Variants in ARAP1 observed in about 807,000 individuals in gnomAD.
The protein encoded by ARAP1 is arf-GAP with Rho-GAP domain, ANK repeat and PH domain-containing protein 1.
A neutral mutation model predicts 172.2 loss-of-function variants in ARAP1; 76 were observed. That is an observed-to-expected ratio of 0.44 (90% CI 0.37 to 0.53). The LOEUF (loss-of-function observed/expected upper bound fraction) is 0.53. Among genes scored for constraint, ARAP1 ranks in the 20% least tolerant of loss-of-function variants. The probability of loss-of-function intolerance (pLI) is 0.00; values close to 1 mark genes in which losing one functional copy is unlikely to be tolerated. For missense variants in ARAP1, 1,686 were observed against 1,977.5 expected (o/e 0.85, Z 2.80); for synonymous variants, 804 against 803.3 (o/e 1.00, Z -0.01).
At chr11:72,688,426 G>GCAGGC (rs1855784683) in intron 31 of ARAP1, 29 bp downstream of exon 31, 1 of 1,597,298 alleles carries the variant, frequency 6.3e-7, no homozygotes, top group Non-Finnish European at 8.6e-7. Context: ...AGCCCCAGTA[G>GCAGGC]CAGGCCTATC....
Position 72,702,896 on chromosome 11 carries a change from C to T in ARAP1, c.2167+9G>A. 1 of 1,552,164 alleles carries T rather than the reference C, an allele frequency of 6.4e-7. No homozygotes were observed. The highest frequency in any genetic ancestry group is 2.0e-5 in the Admixed American group (1 of 51,102). On this transcript the variant is annotated intron_variant, in intron 15 of 34. Coordinates refer to ENST00000393609, the MANE Select transcript of ARAP1 (RefSeq NM_001040118.3). ...AGCCTGGTGGACCCCCACCCTCTGC[C>T]ACGCTCACCTGTGGTCCGGTTGTTC...
chr11:72,734,187 C>A (rs1259728052), intron 1 of ARAP1, among the ~76,000 whole-genome samples: 1 of 152,102 alleles, frequency 6.6e-6, no homozygotes, highest in East Asian at 1.9e-4. Context: ...GTAGTGCAAT[C>A]ATAGCTTACT....
Position 72,743,068 on chromosome 11 carries a change from C to A in ARAP1, c.-128+9260G>T, listed in dbSNP as rs150717497. ...TCTATCCTAAAAAGCACCCCATTAG[C>A]CTCTATCTCCTTACTCTGTTTCCTT... is the stretch of plus-strand genomic sequence containing the variant. On this transcript the variant is annotated intron_variant, in intron 1 of 34. Transcript: ENST00000393609. 6.2e-4 allele frequency among the ~76,000 whole-genome samples: 95 copies of A among 152,324 alleles called. No homozygotes were observed. The Middle Eastern group carries it at 0.01, about 16-fold the overall frequency.
intron 12 of ARAP1, among the ~76,000 whole-genome samples, chr11:72,706,723 C>T (rs984564088): frequency 4.6e-5 from 7 of 152,156 alleles, no homozygotes; most frequent in African/African-American, 1.4e-4. Flanking sequence ...AGCTTTCACC[C>T]ACCAGCCAGA....
chr11:72,730,165 G>A (rs543182587), intron 2 of ARAP1, among the ~76,000 whole-genome samples: 5 of 151,648 alleles, frequency 3.3e-5, no homozygotes, highest in African/African-American at 7.3e-5. Context: ...AATAAGAAAC[G>A]GATCAATAAT....
Position 72,710,068 on chromosome 11 carries a change from A to G in ARAP1, c.1417-92T>C, listed in dbSNP as rs551003712. ...AGAGGAAGGGAAGGTGGTGCAACTC[A>G]GGGACTGGGGGGGGTGCCCAGGAGG... is the stretch of plus-strand genomic sequence containing the variant. On this transcript the variant is annotated intron_variant, in intron 10 of 34. Transcript: ENST00000393609. The surrounding 1 kb of genome is among the most constrained non-coding windows in gnomAD (Gnocchi z 4.3). The G allele has an allele frequency of 1.2e-5, 14 of 1,187,340 alleles. No homozygotes were observed. In the Admixed American group the frequency reaches 1.6e-4, roughly 14 times the overall value. 73.6% of individuals were successfully genotyped at this position (1,187,340 alleles called of 1,614,324 possible). A position where few individuals can be genotyped will look rare whatever the true frequency, so the allele number is the denominator to read the frequency against.
At chr11:72,686,236 CAG>C in intron 33 of ARAP1, 45 bp from the exon 34 acceptor site, 2 of 1,584,256 alleles carry the variant, frequency 1.3e-6, no homozygotes, top group Non-Finnish European at 8.6e-7. Context: ...TCAGTTCACC[CAG>C]ACACTCAGCC....
At chr11:72,744,585 A>C (rs1858297519) in intron 1 of ARAP1, among the ~76,000 whole-genome samples, 2 of 152,228 alleles carry the variant, frequency 1.3e-5, no homozygotes, top group Admixed American at 1.3e-4. Context: ...AAGGGGCAAG[A>C]ACCTAGCCAG....
rs1379390020 is a variant in ARAP1, at chr11:72,705,906, C to A, written c.1724-16G>T. 6.2e-7 allele frequency: 1 copy of A among 1,612,842 alleles called. No individual in the cohort carries two copies. Among genetic ancestry groups the A allele is most frequent in the African/African-American group, 1.3e-5 (1 of 74,900 alleles). ...CGGTGCTCCCCTGTAGACACAGGGC[C>A]AGACCCAGAATCACCTGGGCCCCCC... On this transcript the variant is annotated splice_polypyrimidine_tract_variant and intron_variant, in intron 12 of 34. Transcript: ENST00000393609.
At chr11:72,730,370 T>C (rs1857827096) in intron 2 of ARAP1, among the ~76,000 whole-genome samples, 1 of 152,194 alleles carries the variant, frequency 6.6e-6, no homozygotes, top group Non-Finnish European at 1.5e-5. Flanking sequence ...GCATTGGTGA[T>C]GTGGTAGGGC....
chr11:72,688,732 C>A (rs1393620496), intron 30 of ARAP1, 195 bp from the exon 31 acceptor site: 3 of 565,830 alleles, frequency 5.3e-6, no homozygotes, highest in South Asian at 2.1e-5. Context: ...CAGCCCTAGG[C>A]CCCCAAGGCC....
rs563103846 is a variant in ARAP1 at position 72,711,717 on chromosome 11, A to T, written c.1023-218T>A. Among the ~76,000 whole-genome samples, 3 of 87,898 alleles carry T rather than the reference A, an allele frequency of 3.4e-5. No homozygotes were observed. In the East Asian group the frequency reaches 8.3e-4, roughly 24 times the overall value. 57.7% of individuals were successfully genotyped at this position (87,898 alleles called of 152,430 possible). A position where few individuals can be genotyped will look rare whatever the true frequency, so the allele number is the denominator to read the frequency against. On this transcript the variant is annotated intron_variant, in intron 7 of 34. Transcript: ENST00000393609. ...CTCTTTTTTTTTTTTTTTTTTTGAG[A>T]CAGGGTCTCACTCTGCCACACAGGC...
chr11:72,705,872 C>G lies in ARAP1; in HGVS notation c.1742G>C (p.Gly581Ala). The change falls in exon 13 of 35, where the codon GGC (glycine) becomes GCC (alanine). Residue 581 changes from glycine to alanine, a missense_variant. Transcript: ENST00000393609. Reference sequence around the variant, plus strand: ...GCTCCGCACCTTGGAGACGCCAGCGCCCAGGCCACGGTGCTCCCCTGTAGA... The same window carrying G: ...GCTCCGCACCTTGGAGACGCCAGCGGCCAGGCCACGGTGCTCCCCTGTAGA... ...KRCAGEHRGL[G>A]AGVSKVRSLK... 1 of 1,614,120 alleles carries G rather than the reference C, an allele frequency of 6.2e-7. No individual in the cohort carries two copies.
At chr11:72,727,663 C>T (rs1022679228) in intron 2 of ARAP1, among the ~76,000 whole-genome samples, 1 of 152,234 alleles carries the variant, frequency 6.6e-6, no homozygotes, top group Non-Finnish European at 1.5e-5. Context: ...CAAGCCCAGT[C>T]TGGGAGCCGA....
At position 72,707,330 on chromosome 11, in the gene ARAP1, G is replaced by A; in HGVS notation, c.1568C>T (p.Ala523Val). Residue 523 changes from alanine (A) to valine (V), a missense_variant, in exon 12 of 35, where the codon GCC (alanine) becomes GTC (valine). This residue lies in a region of ARAP1 where 688 missense variants were observed against 856.9 expected (regional missense o/e 0.80). Transcript: ENST00000393609. ...GGCCTCAGCGATGGCTCCCTGCATG[G>A]CCTCCAACCACTGCTCCTTCTCTAG... ...SELEKEQWLEAMQGAIAEALS... is the reference protein window; with the variant it reads ...SELEKEQWLEVMQGAIAEALS... 6.2e-7 allele frequency: 1 copy of A among 1,613,606 alleles called. No homozygotes were observed. Among genetic ancestry groups the A allele is most frequent in the Non-Finnish European group, 8.5e-7 (1 of 1,179,870 alleles).
At position 72,704,237 on chromosome 11, in the gene ARAP1, C is replaced by T. The variant is rs778705256; in HGVS notation, c.1907G>A (p.Arg636Gln). The change falls in exon 14 of 35, where the codon CGG becomes CAG. Residue 636 changes from arginine to glutamine, a missense_variant. Physicochemically the swap from Arg to Gln is conservative, Grantham distance 43. Around this residue, in one of 5 missense-constraint regions of ARAP1, gnomAD observed 688 missense variants for 856.9 expected, o/e 0.80. Transcript: ENST00000393609. Reference protein sequence around the residue: ...ALQPSSSPSTRRCHLEAKYRE... With the variant: ...ALQPSSSPSTQRCHLEAKYRE... ...GTACTTGGCCTCCAGGTGGCACCGC[C>T]GGGTGCTGGGGCTGCTGCTGGGCTG... 8 of 1,613,594 alleles carry T rather than the reference C, an allele frequency of 5.0e-6. No individual in the cohort carries two copies. Among genetic ancestry groups the T allele is most frequent in the Middle Eastern group, 1.6e-4 (1 of 6,078 alleles).
At chr11:72,689,937 G>A (rs1245368028) in intron 30 of ARAP1, among the ~76,000 whole-genome samples, 1 of 152,192 alleles carries the variant, frequency 6.6e-6, no homozygotes, top group Admixed American at 6.5e-5. Context: ...AAGCAAGGCT[G>A]GGAGCACTAG....
intron 1 of ARAP1, among the ~76,000 whole-genome samples, chr11:72,748,556 C>T (rs1858442300): frequency 6.6e-6 from 1 of 152,012 alleles, no homozygotes; most frequent in Non-Finnish European, 1.5e-5. Flanking sequence ...GAACTGGTCA[C>T]TTAACTCCAC....
intron 13 of ARAP1, 55 bp from the exon 14 acceptor site, chr11:72,704,389 G>A (rs541562899): frequency 4.5e-5 from 66 of 1,482,080 alleles, no homozygotes; most frequent in Non-Finnish European, 5.1e-5. Flanking sequence ...GGGCCGTGCC[G>A]GGCAGAAACT....
Sources: allele counts gnomAD v4.1 joint callset (sites outside exome capture counted in the v4.1 genomes callset), GRCh38; gene constraint gnomAD v4.1.1; regional missense constraint gnomAD v4.1.1; non-coding constraint Gnocchi (gnomAD v3.1); transcripts MANE v1.5; gene names NCBI Gene and HGNC (gene_info 2026-07-23, HGNC 2026-07-21).